The following GALNTL6 variants were observed in gnomAD, a reference collection of about 807,000 sequenced individuals.
GALNTL6 encodes polypeptide N-acetylgalactosaminyltransferase like 6, also known as polypeptide N-acetylgalactosaminyltransferase-like 6.
GALNTL6 carries 46 observed loss-of-function variants against 73.7 expected under a neutral mutation model. The ratio of observed to expected loss-of-function variants is 0.62; its 90% CI spans 0.49 to 0.80. The LOEUF (loss-of-function observed/expected upper bound fraction) is 0.80. GALNTL6 is among the 30% of genes least tolerant of loss of function. GALNTL6 has a pLI of 0.00. For synonymous variants in GALNTL6, 259 were observed against 263.7 expected, an observed-to-expected ratio of 0.98 and a Z score of 0.17; for missense variants, 604 against 755.0, an observed-to-expected ratio of 0.80 and a Z score of 2.34.
intron 5 of GALNTL6, among the ~76,000 whole-genome samples, chr4:172,559,058 ATT>A (rs71592081): frequency 2.7e-4 from 21 of 77,382 alleles, no homozygotes; most frequent in South Asian, 2.4e-3. Context: ...ATGATAATGG[ATT>A]TTTTTTTTTT....
chr4:172,221,278 T>G (rs1736666950), intron 2 of GALNTL6, among the ~76,000 whole-genome samples: 1 of 151,754 alleles, frequency 6.6e-6, no homozygotes, highest in Non-Finnish European at 1.5e-5. Context: ...CATCACAGTT[T>G]AAGATAATAT....
intron 7 of GALNTL6, among the ~76,000 whole-genome samples, chr4:172,826,722 C>A (rs1742289102): frequency 6.6e-6 from 1 of 152,188 alleles, no homozygotes; most frequent in Admixed American, 6.5e-5. Context: ...CAGAGCACGG[C>A]CCTCTTTCCT....
intron 2 of GALNTL6, among the ~76,000 whole-genome samples, chr4:171,955,357 G>A (rs982066029): frequency 3.5e-5 from 5 of 142,624 alleles, no homozygotes; most frequent in African/African-American, 7.8e-5. Context: ...TATATAATAC[G>A]AATGAAATAT....
intron 2 of GALNTL6, among the ~76,000 whole-genome samples, chr4:171,982,834 C>T (rs1397575663): frequency 1.3e-5 from 2 of 152,122 alleles, no homozygotes; most frequent in African/African-American, 2.4e-5. Context: ...GAAAGTTAAG[C>T]TTGGGAACTG....
intron 2 of GALNTL6, among the ~76,000 whole-genome samples, chr4:172,103,295 T>C (rs1016202997): frequency 3.3e-5 from 5 of 152,330 alleles, no homozygotes; most frequent in African/African-American, 9.6e-5. Flanking sequence ...TGCTCTTACA[T>C]GCTAAGGCCG....
chr4:172,086,576 G>C (rs560344000), intron 2 of GALNTL6, among the ~76,000 whole-genome samples: 247 of 152,134 alleles, frequency 1.6e-3, no homozygotes, highest in African/African-American at 5.8e-3. Flanking sequence ...CATGCACACA[G>C]AGTTGAGATT....
chr4:172,090,374 C>T (rs1202689834), intron 2 of GALNTL6, among the ~76,000 whole-genome samples: 2 of 152,164 alleles, frequency 1.3e-5, no homozygotes, highest in Admixed American at 1.3e-4. Context: ...TGTTTCCTGA[C>T]TTTTTAATGA....
intron 2 of GALNTL6, among the ~76,000 whole-genome samples, chr4:172,221,895 C>T (rs1230833004): frequency 2.6e-5 from 4 of 151,798 alleles, no homozygotes; most frequent in East Asian, 1.9e-4. Context: ...TTTTACCTGG[C>T]ACTTTCGGTT....
intron 7 of GALNTL6, among the ~76,000 whole-genome samples, chr4:172,837,986 A>T (rs1743001961): frequency 6.6e-6 from 1 of 152,210 alleles, no homozygotes; most frequent in Admixed American, 6.5e-5. Context: ...ATCTCAGTGC[A>T]ACTGTTTTTT....
intron 2 of GALNTL6, among the ~76,000 whole-genome samples, chr4:172,091,315 T>C (rs1326965541): frequency 6.6e-6 from 1 of 152,210 alleles, no homozygotes; most frequent in Admixed American, 6.5e-5. Context: ...ATTAGACTTT[T>C]AAAAGTCTCT....
intron 8 of GALNTL6, among the ~76,000 whole-genome samples, chr4:172,908,889 GTAA>G (rs1747051544): frequency 6.6e-6 from 1 of 151,768 alleles, no homozygotes; most frequent in Non-Finnish European, 1.5e-5. Context: ...AGTAAAAATG[GTAA>G]TAATTTTTTT....
intron 5 of GALNTL6, among the ~76,000 whole-genome samples, chr4:172,617,257 C>T (rs1215796046): frequency 6.6e-6 from 1 of 151,586 alleles, no homozygotes; most frequent in South Asian, 2.1e-4. Context: ...ATGAGAAGTT[C>T]TTTTGTAATA....
chr4:172,913,405 G>T (rs931321060), intron 8 of GALNTL6, among the ~76,000 whole-genome samples: 9 of 152,248 alleles, frequency 5.9e-5, no homozygotes, highest in African/African-American at 2.2e-4. Flanking sequence ...TGAGTTGACA[G>T]AAGTAGGCTT....
At chr4:172,626,902 CATT>C (rs1326155288) in intron 5 of GALNTL6, among the ~76,000 whole-genome samples, 2 of 152,044 alleles carry the variant, frequency 1.3e-5, no homozygotes, top group African/African-American at 2.4e-5. Context: ...TTGGCAGTAT[CATT>C]AGAGCTTTCT....
intron 10 of GALNTL6, among the ~76,000 whole-genome samples, chr4:172,960,460 G>A (rs1464802027): frequency 3.3e-5 from 5 of 152,286 alleles, no homozygotes; most frequent in South Asian, 2.1e-4. Context: ...TCAGCCTGGC[G>A]AGGAGCAGCC....
chr4:172,683,203 C>A (rs1456445809), intron 5 of GALNTL6, among the ~76,000 whole-genome samples: 2 of 152,140 alleles, frequency 1.3e-5, no homozygotes, highest in Non-Finnish European at 2.9e-5. Context: ...GAGTAACAGG[C>A]TGTGGTATCT....
At chr4:172,698,535 G>A (rs1285041643) in intron 5 of GALNTL6, among the ~76,000 whole-genome samples, 1 of 152,118 alleles carries the variant, frequency 6.6e-6, no homozygotes, top group Non-Finnish European at 1.5e-5. Context: ...AATTCTGGGA[G>A]CTCCATTATT....
chr4:172,322,508 GA>G (rs1740796142), intron 4 of GALNTL6, among the ~76,000 whole-genome samples: 1 of 152,120 alleles, frequency 6.6e-6, no homozygotes, highest in Admixed American at 6.6e-5. Context: ...AACTTATAAA[GA>G]AAAAAGTTTT....
chr4:172,719,837 T>A (rs1263982616), intron 5 of GALNTL6, among the ~76,000 whole-genome samples: 1 of 152,172 alleles, frequency 6.6e-6, no homozygotes, highest in African/African-American at 2.4e-5. Flanking sequence ...CCCCGAGGGC[T>A]GCTGGCTGCC....
Sources: allele counts gnomAD v4.1 joint callset (sites outside exome capture counted in the v4.1 genomes callset), GRCh38; gene constraint gnomAD v4.1.1; transcripts MANE v1.5; gene names NCBI Gene and HGNC (gene_info 2026-07-23, HGNC 2026-07-21).